ZNF292: variants seen among roughly 807,000 people sequenced by gnomAD.
The protein encoded by ZNF292 is zinc finger protein 292, also known as 16 zinc-finger domain protein.
A neutral mutation model predicts 217.9 loss-of-function variants in ZNF292; 26 were observed. The observed-to-expected ratio is 0.12, with a 90% CI of 0.09 to 0.17. ZNF292 has a LOEUF of 0.17. Among genes scored for constraint, ZNF292 ranks in the 10% least tolerant of loss-of-function variants. The probability of loss-of-function intolerance (pLI) is 1.00; values close to 1 mark genes in which losing one functional copy is unlikely to be tolerated. For synonymous variants in ZNF292, 1,257 were observed against 1,124.1 expected, an observed-to-expected ratio of 1.12 and a Z score of -2.37; for missense variants, 2,904 against 3,175.2, an observed-to-expected ratio of 0.91 and a Z score of 2.05.
At position 87,257,449 on chromosome 6, in the gene ZNF292, C is replaced by G. The variant is rs200747082; in HGVS notation, c.3820C>G (p.Leu1274Val). 4.0e-5 allele frequency: 64 copies of G among 1,613,444 alleles called. No individual in the cohort carries two copies. The highest frequency in any genetic ancestry group is 5.3e-5 in the Non-Finnish European group (62 of 1,179,708). ...ACCTGCAGAAAGTAGTTCAATGTCT[C>G]TCTTCCCTTCACCAGCAGATAGTGG... ...PLPAESSSMS[L>V]FPSPADSGTN... The change falls in exon 8 of 8, where the codon CTC becomes GTC. Residue 1274 changes from leucine (L) to valine (V), a missense_variant. By Grantham distance (32) the Leu-to-Val change is conservative. Coordinates refer to ENST00000369577, the MANE Select transcript of ZNF292 (RefSeq NM_015021.3).
intron 5 of ZNF292, among the ~76,000 whole-genome samples, chr6:87,241,902 A>T (rs1198892069): frequency 6.6e-6 from 1 of 152,228 alleles, no homozygotes; most frequent in Non-Finnish European, 1.5e-5. Context: ...GGTTACATCT[A>T]GATAAACTTA....
chr6:87,185,255 T>G (rs1271365306), intron 1 of ZNF292, among the ~76,000 whole-genome samples: 1 of 152,162 alleles, frequency 6.6e-6, no homozygotes, highest in South Asian at 2.1e-4. Flanking sequence ...AACCCAAAAA[T>G]GTGCTAAACC....
At position 87,250,071 on chromosome 6, in the gene ZNF292, A is replaced by G. The variant is rs2127848523; in HGVS notation, c.1020+4427A>G. On this transcript the variant is annotated intron_variant, in intron 7 of 7. Coordinates refer to ENST00000369577, the MANE Select transcript of ZNF292 (RefSeq NM_015021.3). The stretch of plus-strand genomic sequence containing the variant: ...AAACTCCAGGAATTGAAGACTATCA[A>G]CCAGCTACTCATATGTTAATTTAAA... Among the ~76,000 whole-genome samples, 4 of 151,660 alleles carry G rather than the reference A, an allele frequency of 2.6e-5. 1 individual carries two copies. The South Asian group carries it at 8.4e-4, about 32-fold the overall frequency.
chr6:87,218,264 CAG>C (rs1772889521), intron 3 of ZNF292, among the ~76,000 whole-genome samples: 1 of 152,046 alleles, frequency 6.6e-6, no homozygotes, highest in Non-Finnish European at 1.5e-5. Context: ...TTTTTAAACA[CAG>C]AGGATATAAA....
At chr6:87,197,034 GACAAA>G (rs1273356793) in intron 1 of ZNF292, among the ~76,000 whole-genome samples, 2 of 152,058 alleles carry the variant, frequency 1.3e-5, no homozygotes, top group African/African-American at 4.8e-5. Context: ...TAGAGCAACA[GACAAA>G]ACAAATCCAA....
chr6:87,225,759 G>A (rs1488514137), intron 4 of ZNF292, among the ~76,000 whole-genome samples: 1 of 152,058 alleles, frequency 6.6e-6, no homozygotes, highest in Non-Finnish European at 1.5e-5. Flanking sequence ...TTATTCTATG[G>A]TGTGTTCTAC....
intron 1 of ZNF292, among the ~76,000 whole-genome samples, chr6:87,166,807 T>C (rs1027909958): frequency 6.6e-6 from 1 of 152,228 alleles, no homozygotes; most frequent in Non-Finnish European, 1.5e-5. Context: ...TATTGCATGC[T>C]CTATGTCCTC....
At chr6:87,172,359 CAAAAG>C (rs1278395405) in intron 1 of ZNF292, among the ~76,000 whole-genome samples, 2 of 152,054 alleles carry the variant, frequency 1.3e-5, no homozygotes, top group Admixed American at 1.3e-4. Flanking sequence ...GGACAAGTAA[CAAAAG>C]AACAGCTCTT....
At position 87,243,403 on chromosome 6, in the gene ZNF292, A is replaced by G. The variant is rs73754148; in HGVS notation, c.742-72A>G. 2.5e-3 allele frequency: 3,102 copies of G among 1,243,994 alleles called. 60 individuals are homozygous for G. In the African/African-American group the frequency reaches 0.038, roughly 15 times the overall value. The allele number at this position is 1,243,994 out of a possible 1,614,324, so 77.1% of individuals were successfully genotyped here. ...AAAACTATCTAAATATTTAATGAAA[A>G]CTAAAGGTATATTGCTCTATATTCT... On this transcript the variant is annotated intron_variant, in intron 5 of 7. Coordinates refer to ENST00000369577, the MANE Select transcript of ZNF292 (RefSeq NM_015021.3).
chr6:87,202,875 C>T (rs1273168082), intron 1 of ZNF292, among the ~76,000 whole-genome samples: 2 of 151,588 alleles, frequency 1.3e-5, no homozygotes, highest in African/African-American at 2.4e-5. Flanking sequence ...GTTAATTGTT[C>T]TATTTTATTA....
intron 1 of ZNF292, among the ~76,000 whole-genome samples, chr6:87,210,728 C>G (rs1274748133): frequency 6.6e-6 from 1 of 151,974 alleles, no homozygotes; most frequent in Non-Finnish European, 1.5e-5. Context: ...TGCTGTGAGC[C>G]GAGATCATGC....
At chr6:87,235,375 G>T (rs912746176) in intron 5 of ZNF292, among the ~76,000 whole-genome samples, 4 of 151,820 alleles carry the variant, frequency 2.6e-5, no homozygotes, top group African/African-American at 9.7e-5. Flanking sequence ...CCACAGATTT[G>T]TATTAAGTGA....
chr6:87,239,085 A>G (rs1396023125), intron 5 of ZNF292, among the ~76,000 whole-genome samples: 1 of 152,280 alleles, frequency 6.6e-6, no homozygotes, highest in African/African-American at 2.4e-5. Flanking sequence ...ACTTCTTTCT[A>G]CACAGACACA....
At chr6:87,201,711 A>G (rs951745733) in intron 1 of ZNF292, among the ~76,000 whole-genome samples, 1 of 152,116 alleles carries the variant, frequency 6.6e-6, no homozygotes, top group East Asian at 1.9e-4. Flanking sequence ...GCCTCATCCT[A>G]AAGTTTTAAA....
chr6:87,200,784 A>G (rs761783923), intron 1 of ZNF292, among the ~76,000 whole-genome samples: 1 of 152,190 alleles, frequency 6.6e-6, no homozygotes, highest in Non-Finnish European at 1.5e-5. Context: ...CATATTGGAG[A>G]TTATTTAGGG....
chr6:87,197,169 G>A (rs189909230), intron 1 of ZNF292, among the ~76,000 whole-genome samples: 13 of 152,250 alleles, frequency 8.5e-5, no homozygotes, highest in South Asian at 2.1e-4. Context: ...ACAGAGAAAG[G>A]CACTCTCAAA....
At chr6:87,224,681 T>C (rs1773251992) in intron 4 of ZNF292, among the ~76,000 whole-genome samples, 1 of 152,212 alleles carries the variant, frequency 6.6e-6, no homozygotes, top group Non-Finnish European at 1.5e-5. Flanking sequence ...TATCACTAAA[T>C]AATATTCCAT....
chr6:87,167,024 C>G (rs1335012920), intron 1 of ZNF292, among the ~76,000 whole-genome samples: 1 of 152,040 alleles, frequency 6.6e-6, no homozygotes, highest in African/African-American at 2.4e-5. Flanking sequence ...TTTCCGTGTT[C>G]TATTGTTAAA....
chr6:87,225,021 A>G (rs1003624328), intron 4 of ZNF292, among the ~76,000 whole-genome samples: 1 of 152,196 alleles, frequency 6.6e-6, no homozygotes, highest in Admixed American at 6.5e-5. Flanking sequence ...CTTACCAACA[A>G]TTGGTATTGT....
Sources: gnomAD v4.1 joint callset for allele counts (sites outside exome capture counted in the v4.1 genomes callset) on GRCh38, gnomAD v4.1.1 for gene constraint, MANE v1.5 for transcripts, NCBI Gene and HGNC (gene_info 2026-07-23, HGNC 2026-07-21) for gene names.